The following BICRAL variants were observed in gnomAD, a reference collection of about 807,000 sequenced individuals.
The protein encoded by BICRAL is BICRA like chromatin remodeling complex associated protein.
Under a neutral mutation model 91.8 loss-of-function variants are expected in BICRAL, and 8 were observed. That is an observed-to-expected ratio of 0.09 (90% CI 0.05 to 0.16). The LOEUF (loss-of-function observed/expected upper bound fraction) is 0.16, where lower values mean the gene tolerates loss of function less well. BICRAL is among the 10% of genes least tolerant of loss of function. The probability of loss-of-function intolerance (pLI) is 1.00; values close to 1 mark genes in which losing one functional copy is unlikely to be tolerated. For missense variants in BICRAL, 1,038 were observed against 1,310.9 expected (o/e 0.79, Z 3.21); for synonymous variants, 445 against 491.1 (o/e 0.91, Z 1.24).
chr6:42,770,647 C>G (rs1762705118), intron 1 of BICRAL, among the ~76,000 whole-genome samples: 1 of 151,668 alleles, frequency 6.6e-6, no homozygotes, highest in Non-Finnish European at 1.5e-5. Context: ...AACTCCTGAC[C>G]TCAGGTGATC....
intron 1 of BICRAL, among the ~76,000 whole-genome samples, chr6:42,751,142 C>G (rs374342683): frequency 1.3e-5 from 2 of 150,224 alleles, no homozygotes; most frequent in African/African-American, 4.9e-5. Flanking sequence ...GTTATTGTGT[C>G]CCTTAAATCA....
chr6:42,818,803 T>G (rs1764062586), intron 2 of BICRAL, among the ~76,000 whole-genome samples: 1 of 152,240 alleles, frequency 6.6e-6, no homozygotes, highest in Admixed American at 6.5e-5. Flanking sequence ...TAACAACTTT[T>G]CCCCACCGCT....
intron 5 of BICRAL, among the ~76,000 whole-genome samples, chr6:42,825,872 A>G (rs1054295329): frequency 6.6e-6 from 1 of 152,144 alleles, no homozygotes; most frequent in African/African-American, 2.4e-5. Flanking sequence ...ACCTGAGGTG[A>G]GGAGTTCAAG....
intron 1 of BICRAL, among the ~76,000 whole-genome samples, chr6:42,791,851 G>T (rs1432756870): frequency 6.6e-6 from 1 of 152,106 alleles, no homozygotes; most frequent in Non-Finnish European, 1.5e-5. Context: ...ATTTCATTGT[G>T]TACAAACACC....
intron 2 of BICRAL, among the ~76,000 whole-genome samples, chr6:42,821,657 CATAA>C (rs1764140041): frequency 6.6e-6 from 1 of 152,160 alleles, no homozygotes; most frequent in Non-Finnish European, 1.5e-5. Context: ...TTTTCTAAAA[CATAA>C]ATATTATTTC....
At chr6:42,781,913 C>A (rs1323022069), upstream of BICRAL, 1 of 6,432 alleles carries the variant, frequency 1.6e-4, no homozygotes, top group South Asian at 2.3e-3. Context: ...GCCGGGCGGG[C>A]GCGGGGAGCG....
At chr6:42,857,386 TTCCC>T in intron 10 of BICRAL, 150 bp downstream of exon 10, 1 of 634,594 alleles carries the variant, frequency 1.6e-6, no homozygotes, top group Non-Finnish European at 2.7e-6. Flanking sequence ...TTTACTCAAT[TTCCC>T]AGTCCATGTT....
chr6:42,792,557 G>A (rs976450814), intron 1 of BICRAL, among the ~76,000 whole-genome samples: 2 of 151,878 alleles, frequency 1.3e-5, no homozygotes, highest in Non-Finnish European at 2.9e-5. Context: ...ACAGGTGTAA[G>A]CCACTCCGCT....
intron 1 of BICRAL, among the ~76,000 whole-genome samples, chr6:42,786,830 A>C (rs1446118625): frequency 6.6e-6 from 1 of 152,176 alleles, no homozygotes; most frequent in East Asian, 1.9e-4. Flanking sequence ...GCTGGTTGTT[A>C]GACTGGAGAG....
chr6:42,790,638 T>G (rs182884115), intron 1 of BICRAL, among the ~76,000 whole-genome samples: 1 of 151,886 alleles, frequency 6.6e-6, no homozygotes, highest in Non-Finnish European at 1.5e-5. Flanking sequence ...AAAGTGAGAT[T>G]AGAGAAAATA....
intron 1 of BICRAL, among the ~76,000 whole-genome samples, chr6:42,785,213 G>A (rs1763068130): frequency 6.6e-6 from 1 of 151,960 alleles, no homozygotes; most frequent in Admixed American, 6.6e-5. Context: ...ACAACATACA[G>A]GCTTCTAGGT....
chr6:42,822,721 C>G, intron 3 of BICRAL, 75 bp from the exon 4 acceptor site: 1 of 748,664 alleles, frequency 1.3e-6, no homozygotes, highest in Non-Finnish European at 2.3e-6. Flanking sequence ...TCTTTCTACT[C>G]TAGTAAAAAT....
intron 9 of BICRAL, among the ~76,000 whole-genome samples, chr6:42,856,366 CTTTTTTTTTTT>C (rs556976712): frequency 7.3e-5 from 5 of 68,142 alleles, no homozygotes; most frequent in Admixed American, 6.3e-4. Flanking sequence ...CTTTCTTTTC[CTTTTTTTTTTT>C]TTTTTTTTTT....
upstream of BICRAL, among the ~76,000 whole-genome samples, chr6:42,778,192 A>C (rs1360286664): frequency 1.3e-5 from 2 of 152,204 alleles, no homozygotes; most frequent in Non-Finnish European, 2.9e-5. Context: ...GCATTCTCAA[A>C]GTAGGTCTTT....
chr6:42,845,195 GTTTTTTTTTTTTT>G (rs748804344), intron 6 of BICRAL, among the ~76,000 whole-genome samples: 4 of 25,612 alleles, frequency 1.6e-4, no homozygotes, highest in African/African-American at 4.4e-4. Context: ...TTTTTTGGGT[GTTTTTTTTTTTTT>G]TTTTTTTTTT....
chr6:42,844,508 CAAAAAAAAAAAAA>C (rs34115804), intron 6 of BICRAL, among the ~76,000 whole-genome samples: 75 of 31,452 alleles, frequency 2.4e-3, no homozygotes, highest in African/African-American at 3.4e-3. Context: ...GACTCCATCT[CAAAAAAAAAAAAA>C]AAAAAAAAAA....
At chr6:42,821,736 C>A (rs980866388) in intron 2 of BICRAL, among the ~76,000 whole-genome samples, 2 of 152,158 alleles carry the variant, frequency 1.3e-5, no homozygotes, top group East Asian at 1.9e-4. Flanking sequence ...TTGGGGGAAT[C>A]TGCATGTGAG....
chr6:42,829,628 T>C lies in BICRAL; in HGVS notation c.1295T>C (p.Leu432Pro), dbSNP rs1034838943. The C allele has an allele frequency of 6.2e-7, 1 of 1,614,060 alleles. No homozygotes were observed. The highest frequency in any genetic ancestry group is 8.5e-7 in the Non-Finnish European group (1 of 1,180,040). The change falls in exon 6 of 13, where the codon CTC (leucine) becomes CCC (proline). Residue 432 changes from leucine to proline, a missense_variant. Leu to Pro is a moderately conservative substitution (Grantham distance 98, BLOSUM62 -3). Around this residue, in one of 5 missense-constraint regions of BICRAL, gnomAD observed 532 missense variants for 724.9 expected, o/e 0.73. Coordinates refer to ENST00000314073, the MANE Select transcript of BICRAL (RefSeq NM_001393499.1). ...GQLLQTQPSQ[L>P]ISGQVASEHV... Reference sequence around the variant, plus strand: ...CTTCTTCAAACTCAACCCTCTCAGCTCATTTCTGGCCAAGTGGCCTCAGAG... The same window carrying C: ...CTTCTTCAAACTCAACCCTCTCAGCCCATTTCTGGCCAAGTGGCCTCAGAG...
rs11396430 is a variant in BICRAL, at chr6:42,817,967, T to TAA, written c.-5-4033_-5-4032dup. ...GGGCAACATAGAGAGACCCTATCTC[T>TAA]AAAAAAAAAAAAAAAAAAAGTGAGT... On this transcript the variant is annotated intron_variant, in intron 2 of 12. Transcript: ENST00000314073. Among the ~76,000 whole-genome samples the TAA allele has an allele frequency of 8.3e-3, 893 of 107,172 alleles. 12 individuals carry two copies. Among genetic ancestry groups the TAA allele is most frequent in the African/African-American group, 0.019 (540 of 28,734 alleles). The allele number at this position is 107,172 out of a possible 152,430, so 70.3% of individuals were successfully genotyped here. A position where few individuals can be genotyped will look rare whatever the true frequency, so the allele number is the denominator to read the frequency against.
Sources: gnomAD v4.1 joint callset for allele counts (sites outside exome capture counted in the v4.1 genomes callset) on GRCh38, gnomAD v4.1.1 for gene constraint, gnomAD v4.1.1 regional missense constraint, MANE v1.5 for transcripts, NCBI Gene and HGNC (gene_info 2026-07-23, HGNC 2026-07-21) for gene names.